Variants in KCNT1 observed in about 807,000 individuals in gnomAD.
KCNT1 encodes potassium sodium-activated channel subfamily T member 1.
In KCNT1, 78 loss-of-function variants were observed where a neutral mutation model predicts 147.8. The ratio of observed to expected loss-of-function variants is 0.53; its 90% CI spans 0.44 to 0.64. KCNT1 has a LOEUF of 0.64. KCNT1 is among the 30% of genes least tolerant of loss of function. The pLI is 0.00. For synonymous variants in KCNT1, 867 were observed against 748.8 expected (o/e 1.16, Z -2.58); for missense variants, 1,419 against 1,750.3 (o/e 0.81, Z 3.38).
chr9:135,783,593 C>T (rs779755868), intron 24 of KCNT1, among the ~76,000 whole-genome samples: 12 of 152,246 alleles, frequency 7.9e-5, no homozygotes, highest in Admixed American at 3.3e-4. Context: ...CCAAGGACAG[C>T]AGGGAGCCCG....
chr9:135,730,990 T>TAAAAAAAAAA lies in KCNT1; in HGVS notation c.254+16284_254+16293dup, dbSNP rs56307359. On this transcript the variant is annotated intron_variant, in intron 2 of 30. Transcript: ENST00000371757. This position sits in a 1 kb window ranked among gnomAD's most constrained non-coding sequence, Gnocchi z 4.7. Reference sequence around the variant, plus strand: ...AACAAAGTGAGATCCCGTCTCAAGGTAAAAAAAAAAAAAAAAAAAAAAAGT... The same window carrying TAAAAAAAAAA: ...AACAAAGTGAGATCCCGTCTCAAGGTAAAAAAAAAAAAAAAAAAAAAAAAAAAAAAAAAGT... Among the ~76,000 whole-genome samples, 119 of 85,580 alleles carry TAAAAAAAAAA rather than the reference T, an allele frequency of 1.4e-3. No individual in the cohort carries two copies. The highest frequency in any genetic ancestry group is 2.4e-3 in the Non-Finnish European group (105 of 44,662). The allele number at this position is 85,580 out of a possible 152,430, so 56.1% of individuals were successfully genotyped here.
Position 135,758,405 on chromosome 9 carries a change from C to T in KCNT1, c.760-9C>T, listed in dbSNP as rs1554771446. On this transcript the variant is annotated splice_polypyrimidine_tract_variant and intron_variant, in intron 9 of 30. Coordinates refer to ENST00000371757, the MANE Select transcript of KCNT1 (RefSeq NM_020822.3). Reference sequence around the variant, plus strand: ...CCCTGCCCGCTGACAGCCACCACTCCTTCCACAGAATGACTTCCACCGTGC... The same window carrying T: ...CCCTGCCCGCTGACAGCCACCACTCTTTCCACAGAATGACTTCCACCGTGC... 3 of 1,609,496 alleles carry T rather than the reference C, an allele frequency of 1.9e-6. No individual in the cohort carries two copies. Among genetic ancestry groups the T allele is most frequent in the Non-Finnish European group, 2.5e-6 (3 of 1,177,402 alleles).
intron 11 of KCNT1, among the ~76,000 whole-genome samples, chr9:135,760,074 C>CCCGTGAG (rs1312878866): frequency 6.6e-6 from 1 of 152,088 alleles, no homozygotes; most frequent in Non-Finnish European, 1.5e-5. Flanking sequence ...ATGATGGAGT[C>CCCGTGAG]CCGTGAGCTG....
rs560715929 is a variant in KCNT1 at position 135,737,371 on chromosome 9, G to A, written c.255-12727G>A. On this transcript the variant is annotated intron_variant, in intron 2 of 30. Coordinates refer to ENST00000371757, the MANE Select transcript of KCNT1 (RefSeq NM_020822.3). The stretch of plus-strand genomic sequence containing the variant: ...TGGCTCTTCCGCAAGCTCAGGGTGG[G>A]ACACAGCACCCCCATTTCACGGATG... Among the ~76,000 whole-genome samples the A allele has an allele frequency of 7.9e-4, 121 of 152,292 alleles. No individual in the cohort carries two copies. The South Asian group carries it at 8.1e-3, about 10-fold the overall frequency.
At chr9:135,776,029 C>T (rs370777621) in intron 20 of KCNT1, among the ~76,000 whole-genome samples, 1 of 152,082 alleles carries the variant, frequency 6.6e-6, no homozygotes. Flanking sequence ...ACTCTGCCTG[C>T]ATGTGGGGCC....
At chr9:135,742,608 CCCCCAG>C (rs60345996) in intron 2 of KCNT1, among the ~76,000 whole-genome samples, 54,980 of 151,606 alleles carry the variant, frequency 0.36, 10,044 homozygotes, top group Middle Eastern at 0.48. Context: ...AGGTCCGGGC[CCCCCAG>C]AGCCTCCCTG....
chr9:135,713,382 G>A (rs1434123999), intron 1 of KCNT1, among the ~76,000 whole-genome samples: 2 of 152,262 alleles, frequency 1.3e-5, no homozygotes, highest in African/African-American at 2.4e-5. Flanking sequence ...TTTGGGGCAC[G>A]CACCTGCTGC....
chr9:135,762,469 C>T (rs1389123289), intron 11 of KCNT1, among the ~76,000 whole-genome samples: 1 of 152,114 alleles, frequency 6.6e-6, no homozygotes, highest in Admixed American at 6.6e-5. Context: ...AAAAAAGGGC[C>T]AGGCACAATG....
intron 20 of KCNT1, among the ~76,000 whole-genome samples, 154 bp downstream of exon 20, chr9:135,775,569 C>G (rs1379785916): frequency 6.6e-6 from 1 of 152,258 alleles, no homozygotes; most frequent in Non-Finnish European, 1.5e-5. Flanking sequence ...AGCCACAGAT[C>G]CTTCACCCAG....
chr9:135,706,919 C>T (rs1436275932), intron 1 of KCNT1, among the ~76,000 whole-genome samples: 1 of 151,980 alleles, frequency 6.6e-6, no homozygotes, highest in Non-Finnish European at 1.5e-5. Context: ...CCTCAGCCTC[C>T]CTAAAGTGGC....
chr9:135,781,597 G>A (rs1833612084), intron 24 of KCNT1, among the ~76,000 whole-genome samples: 1 of 151,240 alleles, frequency 6.6e-6, no homozygotes, highest in Non-Finnish European at 1.5e-5. Flanking sequence ...TTATAAAAAT[G>A]TACATGTTTA....
intron 29 of KCNT1, chr9:135,788,237 C>A: frequency 7.9e-7 from 1 of 1,260,152 alleles, no homozygotes; most frequent in Non-Finnish European, 1.2e-6. Context: ...AGCCTTGCTG[C>A]GCCATCCCGG....
intron 18 of KCNT1, 100 bp downstream of exon 18, chr9:135,771,195 A>G: frequency 8.9e-7 from 1 of 1,129,196 alleles, no homozygotes; most frequent in Non-Finnish European, 1.3e-6. Context: ...GAGACCAGGC[A>G]GGACAGGGGG....
intron 18 of KCNT1, 175 bp downstream of exon 18, chr9:135,771,270 CAGGCAGGGCGGG>C (rs1832744367): frequency 7.8e-6 from 5 of 637,586 alleles, no homozygotes; most frequent in African/African-American, 7.3e-5. Flanking sequence ...GACGGGAGAC[CAGGCAGGGCGGG>C]AGACCAGGTG....
intron 19 of KCNT1, among the ~76,000 whole-genome samples, chr9:135,773,439 G>A (rs958560037): frequency 1.3e-5 from 2 of 152,222 alleles, no homozygotes; most frequent in African/African-American, 2.4e-5. Flanking sequence ...GGCACAGCCC[G>A]CCTGACCAGG....
intron 11 of KCNT1, among the ~76,000 whole-genome samples, chr9:135,763,963 G>C (rs966041209): frequency 6.6e-6 from 1 of 152,192 alleles, no homozygotes; most frequent in Admixed American, 6.5e-5. Context: ...CCGCGGGGAA[G>C]CCTCTGTTCC....
Position 135,765,775 on chromosome 9 carries a change from G to A in KCNT1, c.1337+15G>A. 2.5e-6 allele frequency: 4 copies of A among 1,584,718 alleles called. No individual in the cohort carries two copies. Among genetic ancestry groups the A allele is most frequent in the Non-Finnish European group, 3.4e-6 (4 of 1,159,660 alleles). ...ATGCGAGCCAAGTGAGTGCTGGTGGGCGGAGGGGGTGGCATGGGGGCACCT... is the reference window on the plus strand; with the variant it reads ...ATGCGAGCCAAGTGAGTGCTGGTGGACGGAGGGGGTGGCATGGGGGCACCT... On this transcript the variant is annotated intron_variant, in intron 13 of 30. Coordinates refer to ENST00000371757, the MANE Select transcript of KCNT1 (RefSeq NM_020822.3).
intron 15 of KCNT1, 43 bp downstream of exon 15, chr9:135,768,980 G>C: frequency 6.7e-7 from 1 of 1,486,524 alleles, no homozygotes; most frequent in Non-Finnish European, 9.3e-7. Context: ...TCTGGGGCAG[G>C]GCACGTGTGC....
chr9:135,747,091 T>C (rs865801839), intron 2 of KCNT1, among the ~76,000 whole-genome samples: 89 of 151,976 alleles, frequency 5.9e-4, no homozygotes, highest in African/African-American at 2.0e-3. Flanking sequence ...ATTCCCGGGC[T>C]GGGTGGGAGA....
Sources: gnomAD v4.1 joint callset for allele counts (sites outside exome capture counted in the v4.1 genomes callset) on GRCh38, gnomAD v4.1.1 for gene constraint, Gnocchi (gnomAD v3.1) non-coding constraint, MANE v1.5 for transcripts, NCBI Gene and HGNC (gene_info 2026-07-23, HGNC 2026-07-21) for gene names.